Variants in GNAL observed in about 807,000 individuals in gnomAD.
GNAL encodes the protein guanine nucleotide-binding protein G(olf) subunit alpha.
A neutral mutation model predicts 55.1 loss-of-function variants in GNAL; 18 were observed. That is an observed-to-expected ratio of 0.33 (90% confidence interval 0.23 to 0.48). The LOEUF is 0.48. Ranked by LOEUF, GNAL falls within the 20% of genes least tolerant of loss-of-function variation. GNAL has a pLI of 0.99. For synonymous variants in GNAL, 253 were observed against 237.0 expected, an observed-to-expected ratio of 1.07 and a Z score of -0.62; for missense variants, 412 against 614.1, an observed-to-expected ratio of 0.67 and a Z score of 3.48.
chr18:11,782,433 C>G (rs907907049), intron 4 of GNAL, among the ~76,000 whole-genome samples: 1 of 152,096 alleles, frequency 6.6e-6, no homozygotes, highest in African/African-American at 2.4e-5. Context: ...ACATATAATC[C>G]TCTTTTGTTT....
intron 1 of GNAL, among the ~76,000 whole-genome samples, chr18:11,736,659 T>C (rs2032469651): frequency 6.6e-6 from 1 of 152,222 alleles, no homozygotes; most frequent in South Asian, 2.1e-4. Flanking sequence ...CACAATCATT[T>C]TCCCATGTCA....
At chr18:11,749,663 G>A (rs1379356201) in intron 1 of GNAL, among the ~76,000 whole-genome samples, 1 of 152,214 alleles carries the variant, frequency 6.6e-6, no homozygotes, top group Admixed American at 6.5e-5. Flanking sequence ...AACAATGCAA[G>A]GTGATGGGTG....
At position 11,844,780 on chromosome 18, in the gene GNAL, G is replaced by A. The variant is rs540011236; in HGVS notation, c.723-17615G>A. ...AGAAGGTGCTCCCCGAGGAGGACGAGAGAAGATTTTAATGTGCAACAAAAT... is the reference window on the plus strand; with the variant it reads ...AGAAGGTGCTCCCCGAGGAGGACGAAAGAAGATTTTAATGTGCAACAAAAT... On this transcript the variant is annotated intron_variant, in intron 5 of 11. Coordinates refer to ENST00000334049, the MANE Select transcript of GNAL (RefSeq NM_182978.4). Among the ~76,000 whole-genome samples, 27 of 152,348 alleles carry A rather than the reference G, an allele frequency of 1.8e-4. No individual in the cohort carries two copies. The East Asian group carries it at 4.6e-3, about 26-fold the overall frequency.
chr18:11,847,450 G>A, intron 5 of GNAL, among the ~76,000 whole-genome samples: 1 of 147,904 alleles, frequency 6.8e-6, no homozygotes, highest in East Asian at 2.0e-4. Flanking sequence ...CTTTTCCAGT[G>A]AAGTAAAACT....
chr18:11,774,374 T>C (rs2033719698), intron 4 of GNAL, among the ~76,000 whole-genome samples: 1 of 152,194 alleles, frequency 6.6e-6, no homozygotes, highest in African/African-American at 2.4e-5. Context: ...TGGTCTGAAA[T>C]AGTGTAGACT....
intron 1 of GNAL, among the ~76,000 whole-genome samples, chr18:11,713,922 G>A (rs534409654): frequency 7.9e-5 from 12 of 152,330 alleles, no homozygotes; most frequent in African/African-American, 2.2e-4. Flanking sequence ...TCACTGCCAA[G>A]TTCACACTGA....
At chr18:11,801,569 A>G (rs1350977033) in intron 4 of GNAL, among the ~76,000 whole-genome samples, 3 of 152,148 alleles carry the variant, frequency 2.0e-5, no homozygotes, top group East Asian at 3.9e-4. Flanking sequence ...TAGCTGACCT[A>G]CACTGTGAAA....
Position 11,743,416 on chromosome 18 carries a change from C to T in GNAL, c.377-9437C>T, listed in dbSNP as rs115679910. Among the ~76,000 whole-genome samples the T allele has an allele frequency of 9.7e-3, 1,468 of 152,010 alleles. 27 individuals are homozygous for T. Among genetic ancestry groups the T allele is most frequent in the African/African-American group, 0.033 (1,375 of 41,434 alleles). On this transcript the variant is annotated intron_variant, in intron 1 of 11. Transcript: ENST00000334049. ...TCAAGGGACTTTGTGGAGTCCGACT[C>T]ACTTTATACTAAAATATGTTTGTGA...
chr18:11,797,624 G>A (rs1386306615), intron 4 of GNAL, among the ~76,000 whole-genome samples: 1 of 152,188 alleles, frequency 6.6e-6, no homozygotes, highest in African/African-American at 2.4e-5. Context: ...TGTACCTGTA[G>A]TCCCAGCTAC....
At position 11,868,616 on chromosome 18, in the gene GNAL, C is replaced by T. The variant is rs2143868768; in HGVS notation, c.984C>T (p.Asn328=). ...TGATTCGAGAAGATAACAACACCAA[C>T]AGGCTGAGAGAGTCCCTGGATCTTT... is the stretch of plus-strand genomic sequence containing the variant. ...NMVIREDNNT[N]RLRESLDLFE... Residue 328 remains asparagine, a synonymous_variant, in exon 9 of 12, where the codon AAC becomes AAT. Coordinates refer to ENST00000334049, the MANE Select transcript of GNAL (RefSeq NM_182978.4). This position sits in a 1 kb window ranked among gnomAD's most constrained non-coding sequence, Gnocchi z 4.0. 1 of 1,612,312 alleles carries T rather than the reference C, an allele frequency of 6.2e-7. No homozygotes were observed. Among genetic ancestry groups the T allele is most frequent in the Non-Finnish European group, 8.5e-7 (1 of 1,178,708 alleles).
intron 4 of GNAL, among the ~76,000 whole-genome samples, chr18:11,765,280 T>A (rs1309644819): frequency 6.6e-6 from 1 of 152,358 alleles, no homozygotes; most frequent in African/African-American, 2.4e-5. Context: ...GGTTTTTAAA[T>A]TTTTTGATGG....
intron 5 of GNAL, among the ~76,000 whole-genome samples, chr18:11,829,802 G>A (rs1054502590): frequency 1.5e-4 from 23 of 152,180 alleles, no homozygotes; most frequent in African/African-American, 5.3e-4. Flanking sequence ...TTGAGGTCAG[G>A]AGTTCGAGAC....
intron 1 of GNAL, among the ~76,000 whole-genome samples, chr18:11,750,270 G>A (rs1255226747): frequency 6.6e-6 from 1 of 152,162 alleles, no homozygotes; most frequent in East Asian, 1.9e-4. Flanking sequence ...GAAGGCGTGA[G>A]GGTGGCACGG....
intron 4 of GNAL, among the ~76,000 whole-genome samples, chr18:11,795,574 T>G (rs2034357624): frequency 6.6e-6 from 1 of 152,122 alleles, no homozygotes; most frequent in Non-Finnish European, 1.5e-5. Context: ...GAAGAGCAGA[T>G]GTAGTGAAAG....
intron 4 of GNAL, among the ~76,000 whole-genome samples, chr18:11,766,832 G>A (rs1405205020): frequency 2.0e-5 from 3 of 152,152 alleles, no homozygotes; most frequent in Non-Finnish European, 4.4e-5. Flanking sequence ...CCTCACTGAG[G>A]GAGATCATAA....
Position 11,771,417 on chromosome 18 carries a change from A to AT in GNAL, c.624+17481dup, listed in dbSNP as rs1452636245. Among the ~76,000 whole-genome samples the AT allele has an allele frequency of 2.0e-5, 3 of 150,686 alleles. No homozygotes were observed. In the South Asian group the frequency reaches 6.3e-4, roughly 32 times the overall value. On this transcript the variant is annotated intron_variant, in intron 4 of 11. Transcript: ENST00000334049. ...TCAGTTTTATATGAACAGGCATTTC[A>AT]TTTTTTTTTCTAAATGATGACCTGA...
intron 4 of GNAL, among the ~76,000 whole-genome samples, chr18:11,788,662 A>G (rs1283822501): frequency 2.0e-5 from 3 of 151,940 alleles, no homozygotes; most frequent in Middle Eastern, 6.8e-3. Context: ...ACCTGAGGTC[A>G]GGAGTTCGAG....
Position 11,689,826 on chromosome 18 carries a change from C to T in GNAL, c.263C>T (p.Ala88Val). 6.5e-7 allele frequency: 1 copy of T among 1,536,542 alleles called. No individual in the cohort carries two copies. The highest frequency in any genetic ancestry group is 8.7e-7 in the Non-Finnish European group (1 of 1,144,572). The change falls in exon 1 of 12, where the codon GCG becomes GTG. Residue 88 changes from alanine to valine, a missense_variant. By Grantham distance (64) the Ala-to-Val change is moderately conservative. This residue lies in a region of GNAL where 228 missense variants were observed against 194.8 expected (regional missense o/e 1.17). Coordinates refer to ENST00000334049, the MANE Select transcript of GNAL (RefSeq NM_182978.4). ...CAGCTGAGTGCCGAGGAGCGCGAGG[C>T]GGCCAAGGAGCGCGAGGCGGTCAAG... ...TEQLSAEERE[A>V]AKEREAVKEA...
chr18:11,779,481 G>A (rs1312895538), intron 4 of GNAL, among the ~76,000 whole-genome samples: 16 of 152,138 alleles, frequency 1.1e-4, no homozygotes, highest in Admixed American at 1.0e-3. Flanking sequence ...TTGTGTGGCG[G>A]GGGTTAAACT....
Sources: allele counts gnomAD v4.1 joint callset (sites outside exome capture counted in the v4.1 genomes callset), GRCh38; gene constraint gnomAD v4.1.1; regional missense constraint gnomAD v4.1.1; non-coding constraint Gnocchi (gnomAD v3.1); transcripts MANE v1.5; gene names NCBI Gene and HGNC (gene_info 2026-07-23, HGNC 2026-07-21).